The following INSYN2B variants were observed in gnomAD, a reference collection of about 807,000 sequenced individuals.
INSYN2B encodes the protein protein INSYN2B.
INSYN2B carries 16 observed loss-of-function variants against 41.2 expected under a neutral mutation model. The observed-to-expected ratio is 0.39, with a 90% CI of 0.26 to 0.59. The LOEUF (loss-of-function observed/expected upper bound fraction) is 0.59. Ranked by LOEUF, INSYN2B falls within the 20% of genes least tolerant of loss-of-function variation. INSYN2B has a pLI of 0.57. For missense variants in INSYN2B, 608 were observed against 646.4 expected, an observed-to-expected ratio of 0.94 and a Z score of 0.64; for synonymous variants, 245 against 244.4, an observed-to-expected ratio of 1.00 and a Z score of -0.02.
Position 169,863,354 on chromosome 5 carries a change from A to G in INSYN2B, c.*919T>C, listed in dbSNP as rs1034632195. Among the ~76,000 whole-genome samples, 3 of 152,232 alleles carry G rather than the reference A, an allele frequency of 2.0e-5. No homozygotes were observed. The highest frequency in any genetic ancestry group is 4.1e-4 in the South Asian group (2 of 4,834). ...GGGATGAGAAACAGTGTTGTGTTTT[A>G]TCTTAGCCTTATCTATGTTACTCAT... On this transcript the variant is annotated 3_prime_UTR_variant, in exon 4 of 4. Transcript: ENST00000377365.
At chr5:169,924,568 A>C (rs187880477) in intron 1 of INSYN2B, among the ~76,000 whole-genome samples, 5 of 152,276 alleles carry the variant, frequency 3.3e-5, no homozygotes, top group Non-Finnish European at 1.5e-5. Flanking sequence ...CTCTCACTGA[A>C]CACCCATCTC....
At chr5:169,877,223 G>A (rs921097165) in intron 3 of INSYN2B, among the ~76,000 whole-genome samples, 5 of 152,228 alleles carry the variant, frequency 3.3e-5, no homozygotes, top group African/African-American at 7.2e-5. Context: ...CTGGAGAGGA[G>A]CCACAGACTA....
At chr5:169,876,878 C>T (rs181931721) in intron 3 of INSYN2B, among the ~76,000 whole-genome samples, 1 of 152,192 alleles carries the variant, frequency 6.6e-6, no homozygotes, top group Admixed American at 6.5e-5. Context: ...AGAGTCATTT[C>T]TTTCTTTAAT....
rs1771286577 is a variant in INSYN2B at position 169,862,769 on chromosome 5, AG to A, written c.*1503del. 6.6e-6 allele frequency among the ~76,000 whole-genome samples: 1 copy of A among 152,200 alleles called. No individual in the cohort carries two copies. The highest frequency in any genetic ancestry group is 1.5e-5 in the Non-Finnish European group (1 of 68,038). On this transcript the variant is annotated 3_prime_UTR_variant, in exon 4 of 4. Coordinates refer to ENST00000377365, the MANE Select transcript of INSYN2B (RefSeq NM_001129891.3). ...GCTTTGTTCACTGCATCACTATGAC[AG>A]GGGAAGGTGAAACCATCGGAGTGGT...
chr5:169,915,557 AACACACACAC>A (rs56728646), intron 1 of INSYN2B, among the ~76,000 whole-genome samples: 1,815 of 143,450 alleles, frequency 0.013, 18 homozygotes, highest in Non-Finnish European at 0.021. Context: ...ATTGACAGGG[AACACACACAC>A]ACACACACAC....
intron 3 of INSYN2B, among the ~76,000 whole-genome samples, chr5:169,877,165 G>A (rs1184859037): frequency 6.6e-6 from 1 of 152,156 alleles, no homozygotes; most frequent in African/African-American, 2.4e-5. Flanking sequence ...TTATGTAAAG[G>A]CACAGAGGAA....
intron 1 of INSYN2B, among the ~76,000 whole-genome samples, chr5:169,974,458 T>A (rs1046228192): frequency 6.6e-6 from 1 of 152,226 alleles, no homozygotes; most frequent in Non-Finnish European, 1.5e-5. Flanking sequence ...ATCTAACATG[T>A]ATTTAGCCCT....
At chr5:169,969,594 A>C (rs1234667067) in intron 1 of INSYN2B, among the ~76,000 whole-genome samples, 1 of 152,254 alleles carries the variant, frequency 6.6e-6, no homozygotes, top group Non-Finnish European at 1.5e-5. Context: ...ACAGCTTTGC[A>C]TGCCATTCTG....
chr5:169,904,091 CAA>C (rs57983281), intron 1 of INSYN2B, among the ~76,000 whole-genome samples: 15 of 70,344 alleles, frequency 2.1e-4, no homozygotes, highest in Non-Finnish European at 3.6e-4. Flanking sequence ...GACTTCGTCT[CAA>C]AAAAAAAAAA....
intron 1 of INSYN2B, among the ~76,000 whole-genome samples, chr5:169,967,022 G>A (rs1242890790): frequency 6.6e-6 from 1 of 152,188 alleles, no homozygotes; most frequent in Non-Finnish European, 1.5e-5. Flanking sequence ...TCCATTCATT[G>A]AGCAATTAAT....
At chr5:169,950,697 C>T (rs972119608) in intron 1 of INSYN2B, among the ~76,000 whole-genome samples, 4 of 152,168 alleles carry the variant, frequency 2.6e-5, no homozygotes, top group African/African-American at 7.2e-5. Flanking sequence ...GGAATTTTGT[C>T]GTTATTCCTG....
Position 169,882,809 on chromosome 5 carries a change from C to T in INSYN2B, c.1090G>A (p.Glu364Lys), listed in dbSNP as rs993625984. ...CQEQTANNPT[E>K]SDTLEFPNCP... The stretch of plus-strand genomic sequence containing the variant: ...TTTGGAAACTCCAGTGTGTCTGACT[C>T]GGTGGGGTTGTTTGCCGTCTGCTCC... Residue 364 changes from glutamate to lysine, a missense_variant, in exon 2 of 4, where the codon GAG (glutamate) becomes AAG (lysine). Physicochemically the swap from Glu to Lys is moderately conservative, Grantham distance 56. Coordinates refer to ENST00000377365, the MANE Select transcript of INSYN2B (RefSeq NM_001129891.3). 2.0e-5 allele frequency: 31 copies of T among 1,551,280 alleles called. No individual in the cohort carries two copies. The highest frequency in any genetic ancestry group is 9.6e-5 in the African/African-American group (7 of 72,958).
intron 1 of INSYN2B, among the ~76,000 whole-genome samples, chr5:169,970,106 G>A (rs1016815920): frequency 6.6e-6 from 1 of 152,176 alleles, no homozygotes; most frequent in Non-Finnish European, 1.5e-5. Context: ...CCCCTTAAAG[G>A]CATGTTCAGA....
chr5:169,922,490 CA>C (rs1775227786), intron 1 of INSYN2B, among the ~76,000 whole-genome samples: 1 of 152,210 alleles, frequency 6.6e-6, no homozygotes, highest in Non-Finnish European at 1.5e-5. Flanking sequence ...GGGCTTGATA[CA>C]TTTAATTATC....
intron 1 of INSYN2B, among the ~76,000 whole-genome samples, chr5:169,950,558 G>T (rs1193233399): frequency 1.3e-5 from 2 of 152,172 alleles, no homozygotes; most frequent in Non-Finnish European, 2.9e-5. Context: ...TTCTCTGGGG[G>T]TTGTGTCAGT....
intron 1 of INSYN2B, among the ~76,000 whole-genome samples, chr5:169,915,347 G>A (rs11741667): frequency 6.6e-6 from 1 of 151,828 alleles, no homozygotes; most frequent in African/African-American, 2.4e-5. Context: ...GCACCAGTAA[G>A]CACTAATATT....
intron 1 of INSYN2B, among the ~76,000 whole-genome samples, chr5:169,892,590 C>A (rs917231247): frequency 3.9e-5 from 6 of 152,216 alleles, no homozygotes; most frequent in Non-Finnish European, 8.8e-5. Flanking sequence ...GATGGGCAAG[C>A]CACTAATGCT....
intron 1 of INSYN2B, among the ~76,000 whole-genome samples, chr5:169,889,497 C>T (rs1053578326): frequency 3.3e-5 from 5 of 152,194 alleles, no homozygotes; most frequent in South Asian, 2.1e-4. Flanking sequence ...TGCTACAAAA[C>T]GTTGTACAGG....
chr5:169,911,527 G>A (rs950395230), intron 1 of INSYN2B, among the ~76,000 whole-genome samples: 1 of 152,178 alleles, frequency 6.6e-6, no homozygotes, highest in Admixed American at 6.5e-5. Flanking sequence ...GCTGGTGAGA[G>A]TTCCTGAGAC....
Sources: gnomAD v4.1 joint callset for allele counts (sites outside exome capture counted in the v4.1 genomes callset) on GRCh38, gnomAD v4.1.1 for gene constraint, MANE v1.5 for transcripts, NCBI Gene and HGNC (gene_info 2026-07-23, HGNC 2026-07-21) for gene names.